The following CCDC3 variants were observed in gnomAD, a reference collection of about 807,000 sequenced individuals.
CCDC3 encodes coiled-coil domain-containing protein 3.
A neutral mutation model predicts 21.4 loss-of-function variants in CCDC3; 24 were observed. The ratio of observed to expected loss-of-function variants is 1.12; its 90% CI spans 0.81 to 1.58. The LOEUF is 1.58. Among genes scored for constraint, CCDC3 ranks in the 40% most tolerant of loss-of-function variants. CCDC3 has a pLI of 0.00. For synonymous variants in CCDC3, 186 were observed against 166.0 expected (o/e 1.12, Z -0.93); for missense variants, 425 against 360.9 (o/e 1.18, Z -1.44).
At chr10:12,919,683 T>G (rs1483474975) in intron 2 of CCDC3, among the ~76,000 whole-genome samples, 3 of 151,444 alleles carry the variant, frequency 2.0e-5, no homozygotes, top group African/African-American at 7.3e-5. Flanking sequence ...GCAGTCGCCT[T>G]GATGCCTTTG....
chr10:12,925,122 G>C (rs997338940), intron 2 of CCDC3, among the ~76,000 whole-genome samples: 3 of 152,166 alleles, frequency 2.0e-5, no homozygotes, highest in Admixed American at 2.0e-4. Context: ...TCTGAATGAA[G>C]CACATGGTCG....
intron 3 of CCDC3, among the ~76,000 whole-genome samples, chr10:13,084,913 C>T (rs536187626): frequency 4.6e-5 from 7 of 152,280 alleles, no homozygotes; most frequent in East Asian, 3.9e-4. Context: ...TAGCAGGTGA[C>T]GTTCCCCAAC....
chr10:13,081,523 A>G (rs1837038786), intron 3 of CCDC3, among the ~76,000 whole-genome samples: 1 of 152,220 alleles, frequency 6.6e-6, no homozygotes, highest in South Asian at 2.1e-4. Flanking sequence ...GTCATGGGCC[A>G]TTGTTCCAGG....
intron 5 of CCDC3, among the ~76,000 whole-genome samples, chr10:13,036,778 C>A (rs980639514): frequency 1.3e-5 from 2 of 151,060 alleles, no homozygotes; most frequent in East Asian, 3.9e-4. Context: ...AGCCACTGTG[C>A]CTGGCTCTTA....
chr10:13,011,350 A>C (rs1431565996), intron 5 of CCDC3, among the ~76,000 whole-genome samples: 6 of 152,348 alleles, frequency 3.9e-5, no homozygotes, highest in African/African-American at 1.4e-4. Context: ...TTTAAGGTAC[A>C]AAATCAGTGT....
intron 5 of CCDC3, among the ~76,000 whole-genome samples, chr10:13,038,374 C>CAAAAAAAA (rs58667035): frequency 4.0e-5 from 4 of 98,832 alleles, no homozygotes; most frequent in Non-Finnish European, 4.0e-5. Flanking sequence ...AGTTGGAAAG[C>CAAAAAAAA]AAAAAAAAAA....
Position 12,920,648 on chromosome 10 carries a change from G to A in CCDC3, c.550-21969C>T, listed in dbSNP as rs553574283. On this transcript the variant is annotated intron_variant, in intron 2 of 2. Coordinates refer to ENST00000378825, the MANE Select transcript of CCDC3 (RefSeq NM_031455.4). Reference sequence around the variant, plus strand: ...TTAAAAGTTTTAAAAACTTTAAAATGTTACTAATACCAGGCACTGTATGAG... The same window carrying A: ...TTAAAAGTTTTAAAAACTTTAAAATATTACTAATACCAGGCACTGTATGAG... 2.0e-5 allele frequency among the ~76,000 whole-genome samples: 3 copies of A among 152,308 alleles called. No homozygotes were observed. The East Asian group carries it at 5.8e-4, about 29-fold the overall frequency.
At chr10:13,006,484 T>C (rs1045448973), upstream of CCDC3, among the ~76,000 whole-genome samples, 1 of 152,220 alleles carries the variant, frequency 6.6e-6, no homozygotes, top group Non-Finnish European at 1.5e-5. Flanking sequence ...GTGATAACTA[T>C]CGCCACTTCT....
At chr10:12,974,807 T>C (rs956344619) in intron 2 of CCDC3, among the ~76,000 whole-genome samples, 3 of 152,202 alleles carry the variant, frequency 2.0e-5, no homozygotes, top group Admixed American at 6.5e-5. Context: ...ATCACCAGAT[T>C]TGGATCGCCT....
intron 2 of CCDC3, among the ~76,000 whole-genome samples, chr10:12,910,740 G>A (rs756868234): frequency 3.3e-5 from 5 of 151,556 alleles, no homozygotes; most frequent in Non-Finnish European, 7.4e-5. Context: ...CTCCTGAGTA[G>A]CTGGGACTAC....
chr10:13,080,237 T>C (rs1429487713), intron 3 of CCDC3, among the ~76,000 whole-genome samples: 1 of 149,786 alleles, frequency 6.7e-6, no homozygotes, highest in Non-Finnish European at 1.5e-5. Context: ...GAAAGAGAGA[T>C]AGAGGGAGAG....
intron 4 of CCDC3, among the ~76,000 whole-genome samples, chr10:13,062,617 G>A (rs2782294): frequency 0.74 from 112,198 of 152,070 alleles, 41,531 homozygotes; most frequent in Admixed American, 0.79. Context: ...ATCCTTGTTC[G>A]TTCCTGGGGG....
At chr10:12,978,526 T>C (rs1321960665) in intron 2 of CCDC3, among the ~76,000 whole-genome samples, 1 of 150,712 alleles carries the variant, frequency 6.6e-6, no homozygotes, top group Non-Finnish European at 1.5e-5. Context: ...GCAGAAGAAA[T>C]CTGCGGGTCC....
chr10:13,050,239 G>C (rs1836586718), intron 4 of CCDC3, among the ~76,000 whole-genome samples: 1 of 152,084 alleles, frequency 6.6e-6, no homozygotes, highest in Non-Finnish European at 1.5e-5. Flanking sequence ...GTGTGTCTGT[G>C]CTGATGGAAG....
chr10:12,927,533 G>A (rs1834563635), intron 2 of CCDC3, among the ~76,000 whole-genome samples: 1 of 151,798 alleles, frequency 6.6e-6, no homozygotes, highest in South Asian at 2.1e-4. Flanking sequence ...TGTTGTTTTT[G>A]TAAAGCCACT....
intron 2 of CCDC3, among the ~76,000 whole-genome samples, chr10:12,912,202 A>G (rs1834280628): frequency 6.6e-6 from 1 of 152,206 alleles, no homozygotes; most frequent in African/African-American, 2.4e-5. Flanking sequence ...TTTTTTGAGA[A>G]AACTCCATAC....
At chr10:13,074,295 T>C (rs1351459245) in intron 3 of CCDC3, among the ~76,000 whole-genome samples, 8 of 146,742 alleles carry the variant, frequency 5.5e-5, no homozygotes, top group Admixed American at 2.0e-4. Context: ...GTAGCTGGGA[T>C]TACAGGCATG....
chr10:12,935,723 T>G (rs1834726286), intron 2 of CCDC3, among the ~76,000 whole-genome samples: 1 of 151,664 alleles, frequency 6.6e-6, no homozygotes, highest in Non-Finnish European at 1.5e-5. Context: ...TGGAGTGCAG[T>G]GGCGTGATCT....
rs567165553 is a variant in CCDC3, at chr10:12,907,594, A to G, written c.550-8915T>C. On this transcript the variant is annotated intron_variant, in intron 2 of 2. Coordinates refer to ENST00000378825, the MANE Select transcript of CCDC3 (RefSeq NM_031455.4). Reference sequence around the variant, plus strand: ...GAGAGGAGGAGTTGGCAGTGAGCTGAGATCGCACCACTGCACTCCAGCCTG... The same window carrying G: ...GAGAGGAGGAGTTGGCAGTGAGCTGGGATCGCACCACTGCACTCCAGCCTG... Among the ~76,000 whole-genome samples, 4 of 152,322 alleles carry G rather than the reference A, an allele frequency of 2.6e-5. No individual in the cohort carries two copies. In the South Asian group the frequency reaches 8.3e-4, roughly 32 times the overall value.
Sources: allele counts gnomAD v4.1 joint callset (sites outside exome capture counted in the v4.1 genomes callset), GRCh38; gene constraint gnomAD v4.1.1; transcripts MANE v1.5; gene names NCBI Gene and HGNC (gene_info 2026-07-23, HGNC 2026-07-21).